TTLL10: variants seen among roughly 807,000 people sequenced by gnomAD.
TTLL10 encodes the protein tubulin tyrosine ligase like 10, also known as inactive polyglycylase TTLL10.
Under a neutral mutation model 69.0 loss-of-function variants are expected in TTLL10, and 61 were observed. That is an observed-to-expected ratio of 0.88 (90% CI 0.72 to 1.09). The LOEUF (loss-of-function observed/expected upper bound fraction) is 1.09, where lower values mean the gene tolerates loss of function less well. Ranked by LOEUF, TTLL10 falls within the 50% of genes least tolerant of loss-of-function variation. The pLI is 0.00. For synonymous variants in TTLL10, 408 were observed against 393.3 expected (o/e 1.04, Z -0.44); for missense variants, 962 against 945.9 (o/e 1.02, Z -0.22).
In TTLL10 at chr1:1,181,839, G is replaced by A. The variant is rs767111058; in HGVS notation, c.830+24G>A. 3 of 1,587,944 alleles carry A rather than the reference G, an allele frequency of 1.9e-6. No homozygotes were observed. The highest frequency in any genetic ancestry group is 2.3e-5 in the South Asian group (2 of 87,058). ...AGGTAGACTCAGCCCAGCTGTGAGG[G>A]GCCCTTCAGACCGAAGTTCAGACCT... On this transcript the variant is annotated intron_variant, in intron 9 of 15. Coordinates refer to ENST00000379289, the MANE Select transcript of TTLL10 (RefSeq NM_001130045.2). The surrounding 1 kb of genome is among the most constrained non-coding windows in gnomAD (Gnocchi z 4.6).
intron 13 of TTLL10, among the ~76,000 whole-genome samples, chr1:1,195,830 C>T (rs1444540326): frequency 6.6e-6 from 1 of 150,528 alleles, no homozygotes. Flanking sequence ...TTGGTAGAGA[C>T]AAGGTCTCCC....
At chr1:1,179,145 C>T (rs1646960450) in intron 3 of TTLL10, 44 bp from the exon 4 acceptor site, 20 of 1,329,252 alleles carry the variant, frequency 1.5e-5, no homozygotes, top group Admixed American at 7.9e-5. Flanking sequence ...CCTCGGGCCG[C>T]GCGGAGGTCC....
intron 11 of TTLL10, 116 bp downstream of exon 11, chr1:1,183,163 A>C: frequency 2.3e-6 from 3 of 1,316,604 alleles, no homozygotes; most frequent in Non-Finnish European, 3.1e-6. Context: ...CCGCACCACC[A>C]GCCCCTGTGC....
In TTLL10 at chr1:1,181,684, G is replaced by A. The variant is rs910793552; in HGVS notation, c.756-57G>A. 167 of 1,482,460 alleles carry A rather than the reference G, an allele frequency of 1.1e-4. 1 individual carries two copies. The East Asian group carries it at 1.6e-3, about 14-fold the overall frequency. The allele number at this position is 1,482,460 out of a possible 1,614,324, so 91.8% of individuals were successfully genotyped here. ...ATGCCCCATCCCCCAGTCCCCACCC[G>A]CTCCAAGCACCATGAGCTGGCCCCT... On this transcript the variant is annotated intron_variant, in intron 8 of 15. Coordinates refer to ENST00000379289, the MANE Select transcript of TTLL10 (RefSeq NM_001130045.2). This position sits in a 1 kb window ranked among gnomAD's most constrained non-coding sequence, Gnocchi z 4.6.
chr1:1,183,531 A>G (rs1647145408), intron 11 of TTLL10, among the ~76,000 whole-genome samples: 1 of 151,984 alleles, frequency 6.6e-6, no homozygotes. Flanking sequence ...TGCCGTCCCC[A>G]GCTTCCATCG....
Position 1,180,263 on chromosome 1 carries a change from G to T in TTLL10, c.429G>T (p.Leu143=), listed in dbSNP as rs528874861. The T allele has an allele frequency of 1.3e-5, 21 of 1,600,158 alleles. No homozygotes were observed. The highest frequency in any genetic ancestry group is 1.1e-4 in the East Asian group (5 of 44,222). ...PSAALLEGLL[L]GGGKPSPHST... ...CTGCCCTCCTGGAGGGGCTCCTGCT[G>T]GGGGGTGGGAAGCCATCGCCCCACA... The change falls in exon 6 of 16, where the codon CTG becomes CTT. Residue 143 remains leucine (L), a synonymous_variant. Coordinates refer to ENST00000379289, the MANE Select transcript of TTLL10 (RefSeq NM_001130045.2).
At chr1:1,191,554 G>A (rs1647778993) in intron 13 of TTLL10, among the ~76,000 whole-genome samples, 1 of 152,196 alleles carries the variant, frequency 6.6e-6, no homozygotes, top group Non-Finnish European at 1.5e-5. Context: ...TGGAGAAGGA[G>A]GTGTATCCTG....
intron 6 of TTLL10, 64 bp from the exon 7 acceptor site, chr1:1,180,419 G>T: frequency 6.5e-7 from 1 of 1,541,514 alleles, no homozygotes; most frequent in Non-Finnish European, 8.8e-7. Context: ...GCCTCCGCTG[G>T]CCGCCCGCCA....
At chr1:1,192,104 C>T (rs1647840317) in intron 13 of TTLL10, among the ~76,000 whole-genome samples, 1 of 152,232 alleles carries the variant, frequency 6.6e-6, no homozygotes, top group Non-Finnish European at 1.5e-5. Flanking sequence ...GGCCTGCTCC[C>T]AACATGTCTG....
chr1:1,180,108 G>T lies in TTLL10; in HGVS notation c.274G>T (p.Asp92Tyr). The change falls in exon 6 of 16, where the codon GAC becomes TAC. Residue 92 changes from aspartate (D) to tyrosine (Y), a missense_variant. Asp to Tyr is a radical substitution (Grantham distance 160). Coordinates refer to ENST00000379289, the MANE Select transcript of TTLL10 (RefSeq NM_001130045.2). ...GTGTCAGCCAAGCCAGCCAGACCACGACGCAGATGGACACTGTGGGCCGGA... is the reference window on the plus strand; with the variant it reads ...GTGTCAGCCAAGCCAGCCAGACCACTACGCAGATGGACACTGTGGGCCGGA... ...LRCQPSQPDH[D>Y]ADGHCGPDLE... The T allele has an allele frequency of 6.2e-7, 1 of 1,611,148 alleles. No homozygotes were observed. Among genetic ancestry groups the T allele is most frequent in the Non-Finnish European group, 8.5e-7 (1 of 1,179,092 alleles).
intron 3 of TTLL10, chr1:1,175,130 A>G (rs1386831885): frequency 1.3e-5 from 2 of 157,152 alleles, no homozygotes; most frequent in Non-Finnish European, 2.8e-5. Context: ...AATTAAAAAA[A>G]AAAACACCTT....
At position 1,197,697 on chromosome 1, in the gene TTLL10, A is replaced by G. The variant is rs2274789; in HGVS notation, c.1872A>G (p.Pro624=). The G allele has an allele frequency of 0.31, 464,800 of 1,507,120 alleles. 83,391 individuals are homozygous for G. The highest frequency in any genetic ancestry group is 0.86 in the East Asian group (31,944 of 37,044). The allele number at this position is 1,507,120 out of a possible 1,614,324, so 93.4% of individuals were successfully genotyped here. A position where few individuals can be genotyped will look rare whatever the true frequency, so the allele number is the denominator to read the frequency against. ...CCTTGGTGCCGCAGCGTCCCCGGCCACCCGGCCCCGACCTGGACAGCGCCC... is the reference window on the plus strand; with the variant it reads ...CCTTGGTGCCGCAGCGTCCCCGGCCGCCCGGCCCCGACCTGGACAGCGCCC... ...PPPLVPQRPR[P]PGPDLDSAHD... is the part of the protein sequence containing the mutation. The change falls in exon 16 of 16, where the codon CCA becomes CCG. Residue 624 remains proline, a synonymous_variant. Transcript: ENST00000379289.
intron 13 of TTLL10, among the ~76,000 whole-genome samples, chr1:1,186,220 C>T (rs1647307040): frequency 6.6e-6 from 1 of 152,146 alleles, no homozygotes; most frequent in Admixed American, 6.5e-5. Flanking sequence ...TCCCAAGTAG[C>T]TGCAACTACA....
At chr1:1,182,239 C>T (rs1052626257) in intron 9 of TTLL10, 122 bp from the exon 10 acceptor site, 15 of 834,852 alleles carry the variant, frequency 1.8e-5, no homozygotes, top group South Asian at 9.9e-5. Flanking sequence ...GGAGAACGGC[C>T]GCGGGCGCCA....
At chr1:1,184,628 G>A (rs570080958) in intron 12 of TTLL10, among the ~76,000 whole-genome samples, 6 of 152,310 alleles carry the variant, frequency 3.9e-5, no homozygotes, top group Admixed American at 2.0e-4. Flanking sequence ...GGTTAGGGGC[G>A]GCTGTCTCAG....
At position 1,185,408 on chromosome 1, in the gene TTLL10, T is replaced by C. The variant is rs748694624; in HGVS notation, c.1401+299T>C. On this transcript the variant is annotated intron_variant, in intron 13 of 15. Transcript: ENST00000379289. This position sits in a 1 kb window ranked among gnomAD's most constrained non-coding sequence, Gnocchi z 6.1. ...AGCTCGGCTTCAGTGACAGCCACCA[T>C]GTGAAGAGTCTTTGTTCCTTTCAGA... The C allele has an allele frequency of 2.0e-5, 25 of 1,263,674 alleles. No homozygotes were observed. The highest frequency in any genetic ancestry group is 2.4e-5 in the Non-Finnish European group (24 of 1,002,188). 78.3% of individuals were successfully genotyped at this position (1,263,674 alleles called of 1,614,324 possible).
At position 1,179,948 on chromosome 1, in the gene TTLL10, G is replaced by C; in HGVS notation, c.200-86G>C. On this transcript the variant is annotated intron_variant, in intron 5 of 15. Coordinates refer to ENST00000379289, the MANE Select transcript of TTLL10 (RefSeq NM_001130045.2). Reference sequence around the variant, plus strand: ...GGATTGTCCAGGGTATTGGAGAAATGGGCTGGGAGCAAACTGGCTGAGCCA... The same window carrying C: ...GGATTGTCCAGGGTATTGGAGAAATCGGCTGGGAGCAAACTGGCTGAGCCA... 4.8e-6 allele frequency: 7 copies of C among 1,443,510 alleles called. No individual in the cohort carries two copies. In the South Asian group the frequency reaches 1.0e-4, roughly 21 times the overall value. The allele number at this position is 1,443,510 out of a possible 1,614,324, so 89.4% of individuals were successfully genotyped here.
In TTLL10 at chr1:1,181,908, C is replaced by T. The variant is rs1647082196; in HGVS notation, c.830+93C>T. 8.0e-7 allele frequency: 1 copy of T among 1,251,578 alleles called. No individual in the cohort carries two copies. Among genetic ancestry groups the T allele is most frequent in the East Asian group, 2.5e-5 (1 of 39,464 alleles). The allele number at this position is 1,251,578 out of a possible 1,614,324, so 77.5% of individuals were successfully genotyped here. On this transcript the variant is annotated intron_variant, in intron 9 of 15. Coordinates refer to ENST00000379289, the MANE Select transcript of TTLL10 (RefSeq NM_001130045.2). This position sits in a 1 kb window ranked among gnomAD's most constrained non-coding sequence, Gnocchi z 4.6. Reference sequence around the variant, plus strand: ...AAAGGAGAAAGCGGGGCGGGGGTCCCACACAAAGGAAAACCACGAGCTAGA... The same window carrying T: ...AAAGGAGAAAGCGGGGCGGGGGTCCTACACAAAGGAAAACCACGAGCTAGA...
rs1236639656 is a variant in TTLL10, at chr1:1,181,055, C to T, written c.755+195C>T. Among the ~76,000 whole-genome samples, 1 of 150,484 alleles carries T rather than the reference C, an allele frequency of 6.6e-6. No homozygotes were observed. Among genetic ancestry groups the T allele is most frequent in the East Asian group, 2.0e-4 (1 of 5,074 alleles). ...CCCTGCCCCTGGCCACCTGGGCTCC[C>T]AGGCTGGCCCCAGCCCCCACCCGTC... is the stretch of plus-strand genomic sequence containing the variant. On this transcript the variant is annotated intron_variant, in intron 8 of 15. Transcript: ENST00000379289. The surrounding 1 kb of genome is among the most constrained non-coding windows in gnomAD (Gnocchi z 4.6).
Sources: allele counts gnomAD v4.1 joint callset (sites outside exome capture counted in the v4.1 genomes callset), GRCh38; gene constraint gnomAD v4.1.1; non-coding constraint Gnocchi (gnomAD v3.1); transcripts MANE v1.5; gene names NCBI Gene and HGNC (gene_info 2026-07-23, HGNC 2026-07-21).